SYNDIG1: variants seen among roughly 807,000 people sequenced by gnomAD.
SYNDIG1 encodes synapse differentiation-inducing gene protein 1.
SYNDIG1 carries 9 observed loss-of-function variants against 19.4 expected under a neutral mutation model. The ratio of observed to expected loss-of-function variants is 0.46; its 90% CI spans 0.28 to 0.81. The LOEUF is 0.81. Among genes scored for constraint, SYNDIG1 ranks in the 30% least tolerant of loss-of-function variants. The pLI, the probability that SYNDIG1 is intolerant of heterozygous loss-of-function variation, is 0.12. For missense variants in SYNDIG1, 311 were observed against 343.3 expected, an observed-to-expected ratio of 0.91 and a Z score of 0.74; for synonymous variants, 141 against 145.9, an observed-to-expected ratio of 0.97 and a Z score of 0.24.
intron 1 of SYNDIG1, among the ~76,000 whole-genome samples, chr20:24,524,937 T>C (rs1339479111): frequency 1.3e-5 from 2 of 152,182 alleles, no homozygotes; most frequent in African/African-American, 4.8e-5. Flanking sequence ...ACACCTGTCA[T>C]GTATTATTTG....
At chr20:24,592,154 A>T (rs2058521718) in intron 3 of SYNDIG1, among the ~76,000 whole-genome samples, 1 of 152,190 alleles carries the variant, frequency 6.6e-6, no homozygotes, top group Non-Finnish European at 1.5e-5. Flanking sequence ...GTAGAAGTAT[A>T]AGTCAAGTAC....
chr20:24,526,855 A>G (rs955416433), intron 1 of SYNDIG1, among the ~76,000 whole-genome samples: 1 of 152,172 alleles, frequency 6.6e-6, no homozygotes, highest in African/African-American at 2.4e-5. Flanking sequence ...TATATTGAAG[A>G]TATTATCCTC....
intron 1 of SYNDIG1, among the ~76,000 whole-genome samples, chr20:24,523,863 G>A (rs1018908920): frequency 6.6e-6 from 1 of 152,160 alleles, no homozygotes; most frequent in African/African-American, 2.4e-5. Flanking sequence ...TGAAGCCCAC[G>A]GGTGTTTGTT....
chr20:24,587,544 G>A (rs1035505279), intron 3 of SYNDIG1, among the ~76,000 whole-genome samples: 8 of 152,260 alleles, frequency 5.3e-5, no homozygotes, highest in African/African-American at 9.6e-5. Flanking sequence ...GCAGGCCATC[G>A]TGGGGAAGCC....
chr20:24,551,678 G>C (rs945968351), intron 2 of SYNDIG1, among the ~76,000 whole-genome samples: 1 of 151,654 alleles, frequency 6.6e-6, no homozygotes, highest in African/African-American at 2.4e-5. Flanking sequence ...ATTTTGATTT[G>C]TTGTGTTTTA....
chr20:24,543,969 A>T (rs541677272), intron 2 of SYNDIG1, among the ~76,000 whole-genome samples: 3 of 152,260 alleles, frequency 2.0e-5, no homozygotes, highest in African/African-American at 7.2e-5. Context: ...GACAGGGGAC[A>T]CTTTGGGAGG....
At chr20:24,554,666 G>A (rs2057775418) in intron 2 of SYNDIG1, among the ~76,000 whole-genome samples, 1 of 151,994 alleles carries the variant, frequency 6.6e-6, no homozygotes, top group Non-Finnish European at 1.5e-5. Context: ...ACTTGATCAT[G>A]GTGGATAAGC....
At chr20:24,636,679 T>G (rs1031871053) in intron 3 of SYNDIG1, among the ~76,000 whole-genome samples, 2 of 152,218 alleles carry the variant, frequency 1.3e-5, no homozygotes, top group Non-Finnish European at 2.9e-5. Flanking sequence ...GGCCACCATG[T>G]AGCCTTTTCC....
chr20:24,549,187 T>G (rs1288228319), intron 2 of SYNDIG1, among the ~76,000 whole-genome samples: 1 of 152,198 alleles, frequency 6.6e-6, no homozygotes, highest in Non-Finnish European at 1.5e-5. Flanking sequence ...TGTAATTTTG[T>G]ATGTTTTAAT....
intron 3 of SYNDIG1, among the ~76,000 whole-genome samples, chr20:24,645,460 G>GCACA (rs1568713137): frequency 1.3e-5 from 2 of 152,212 alleles, no homozygotes; most frequent in Admixed American, 6.5e-5. Context: ...CCACAGCTGT[G>GCACA]GCTGTGGCTC....
At chr20:24,549,868 G>A (rs2057670472) in intron 2 of SYNDIG1, among the ~76,000 whole-genome samples, 1 of 152,160 alleles carries the variant, frequency 6.6e-6, no homozygotes, top group Non-Finnish European at 1.5e-5. Context: ...CTGGACTTGG[G>A]CCACCCAGTG....
intron 1 of SYNDIG1, among the ~76,000 whole-genome samples, chr20:24,482,804 T>A (rs2055835766): frequency 6.6e-6 from 1 of 152,232 alleles, no homozygotes; most frequent in South Asian, 2.1e-4. Context: ...GGTAAACTAC[T>A]AAGGATGGAA....
At chr20:24,589,747 A>G (rs2058476798) in intron 3 of SYNDIG1, among the ~76,000 whole-genome samples, 1 of 152,286 alleles carries the variant, frequency 6.6e-6, no homozygotes, top group Admixed American at 6.5e-5. Flanking sequence ...CATTATAACA[A>G]TAATTAAATG....
intron 1 of SYNDIG1, among the ~76,000 whole-genome samples, chr20:24,506,781 G>C (rs868127216): frequency 6.6e-6 from 1 of 152,226 alleles, no homozygotes; most frequent in Non-Finnish European, 1.5e-5. Flanking sequence ...TGTGGTCCCA[G>C]GCAGTCCCAC....
chr20:24,638,431 T>C (rs1459405973), intron 3 of SYNDIG1, among the ~76,000 whole-genome samples: 1 of 152,178 alleles, frequency 6.6e-6, no homozygotes, highest in African/African-American at 2.4e-5. Flanking sequence ...CAGGACTCAC[T>C]GCATCCTCCA....
intron 1 of SYNDIG1, among the ~76,000 whole-genome samples, chr20:24,504,413 C>T (rs1257160063): frequency 6.6e-6 from 1 of 152,080 alleles, no homozygotes; most frequent in Non-Finnish European, 1.5e-5. Flanking sequence ...TAAAGGAACC[C>T]CTGGAAAGAA....
chr20:24,630,189 G>A (rs942889761), intron 3 of SYNDIG1, among the ~76,000 whole-genome samples: 5 of 143,944 alleles, frequency 3.5e-5, no homozygotes, highest in African/African-American at 1.3e-4. Flanking sequence ...GCCCATGATC[G>A]TGTATCATCA....
chr20:24,569,146 G>C (rs991199413), intron 2 of SYNDIG1, among the ~76,000 whole-genome samples: 2 of 152,214 alleles, frequency 1.3e-5, no homozygotes, highest in Non-Finnish European at 2.9e-5. Flanking sequence ...TGGAATTTCT[G>C]CAAACTGAAA....
At chr20:24,591,675 C>A (rs1004895487) in intron 3 of SYNDIG1, among the ~76,000 whole-genome samples, 1 of 152,018 alleles carries the variant, frequency 6.6e-6, no homozygotes, top group South Asian at 2.1e-4. Flanking sequence ...ATAAAAAGCC[C>A]CCAAGCACCT....
Sources: gnomAD v4.1 joint callset for allele counts (sites outside exome capture counted in the v4.1 genomes callset) on GRCh38, gnomAD v4.1.1 for gene constraint, MANE v1.5 for transcripts, NCBI Gene and HGNC (gene_info 2026-07-23, HGNC 2026-07-21) for gene names.